CYLD: variants seen among roughly 807,000 people sequenced by gnomAD.
CYLD encodes the protein CYLD lysine 63 deubiquitinase.
In CYLD, 26 loss-of-function variants were observed where a neutral mutation model predicts 104.5. That is an observed-to-expected ratio of 0.25 (90% confidence interval 0.18 to 0.35). The LOEUF is 0.35. Ranked by LOEUF, CYLD falls within the 10% of genes least tolerant of loss-of-function variation. The probability of loss-of-function intolerance (pLI) is 1.00; values close to 1 mark genes in which losing one functional copy is unlikely to be tolerated. For missense variants in CYLD, 703 were observed against 1,136.1 expected, an observed-to-expected ratio of 0.62 and a Z score of 5.48; for synonymous variants, 385 against 399.9, an observed-to-expected ratio of 0.96 and a Z score of 0.45.
At chr16:50,747,763 A>G (rs1442026723) in intron 2 of CYLD, among the ~76,000 whole-genome samples, 1 of 152,210 alleles carries the variant, frequency 6.6e-6, no homozygotes, top group Non-Finnish European at 1.5e-5. Flanking sequence ...AGTGCCCTCA[A>G]GTGGAATTAA....
chr16:50,760,944 G>A (rs1967846524), intron 5 of CYLD, among the ~76,000 whole-genome samples: 1 of 152,148 alleles, frequency 6.6e-6, no homozygotes, highest in Non-Finnish European at 1.5e-5. Flanking sequence ...GCTTTCCCAT[G>A]AGAGTGTGTT....
rs201691062 is a variant in CYLD at position 50,791,705 on chromosome 16, C to T, written c.2241+15C>T. On this transcript the variant is annotated intron_variant, in intron 15 of 18. Coordinates refer to ENST00000427738, the MANE Select transcript of CYLD (RefSeq NM_001378743.1). ...AATTTGCAGAGGTTAGTGATACTCA[C>T]CTGTGGTATTTTATGTGAAAGTCTG... The T allele has an allele frequency of 1.9e-6, 3 of 1,613,306 alleles. No individual in the cohort carries two copies. Among genetic ancestry groups the T allele is most frequent in the South Asian group, 1.1e-5 (1 of 91,068 alleles).
intron 6 of CYLD, 85 bp downstream of exon 6, chr16:50,775,259 C>T (rs1265574592): frequency 1.8e-5 from 18 of 1,016,704 alleles, no homozygotes; most frequent in Non-Finnish European, 2.6e-5. Context: ...GCCTCTTCTA[C>T]ATTCCCTTGA....
At chr16:50,755,199 ATG>A (rs749054213) in intron 5 of CYLD, among the ~76,000 whole-genome samples, 65 of 107,884 alleles carry the variant, frequency 6.0e-4, no homozygotes, top group African/African-American at 1.0e-3. Context: ...ACGTGTACAT[ATG>A]TGTGTGTATA....
intron 14 of CYLD, among the ~76,000 whole-genome samples, 200 bp from the exon 15 acceptor site, chr16:50,791,358 T>C (rs1971414379): frequency 6.6e-6 from 1 of 152,240 alleles, no homozygotes; most frequent in African/African-American, 2.4e-5. Context: ...GCAAAATAAA[T>C]CATTTATAAG....
chr16:50,762,862 T>C (rs1968107380), intron 5 of CYLD, among the ~76,000 whole-genome samples: 1 of 152,244 alleles, frequency 6.6e-6, no homozygotes, highest in Non-Finnish European at 1.5e-5. Flanking sequence ...TTGACTTTTT[T>C]TTTAGAAAAC....
chr16:50,767,791 T>A (rs11863916), intron 5 of CYLD, among the ~76,000 whole-genome samples: 1 of 152,088 alleles, frequency 6.6e-6, no homozygotes, highest in African/African-American at 2.4e-5. Flanking sequence ...CTGTATTTCC[T>A]TCTGTCTATT....
At chr16:50,752,338 G>A (rs1233551675) in intron 4 of CYLD, among the ~76,000 whole-genome samples, 1 of 151,682 alleles carries the variant, frequency 6.6e-6, no homozygotes, top group East Asian at 1.9e-4. Context: ...GTTTTTTGGG[G>A]TACTCCATTT....
At chr16:50,795,607 A>T in intron 18 of CYLD, 1 of 702,882 alleles carries the variant, frequency 1.4e-6, no homozygotes, top group Non-Finnish European at 2.6e-6. Flanking sequence ...AGCCTAAGAC[A>T]TTCCCTGTGG....
intron 10 of CYLD, among the ~76,000 whole-genome samples, chr16:50,781,931 G>A (rs1051488311): frequency 3.0e-4 from 45 of 152,160 alleles, no homozygotes; most frequent in Admixed American, 1.2e-3. Flanking sequence ...GCTTCAGCAG[G>A]TGCAAACAGG....
chr16:50,768,306 C>G (rs1055612294), intron 5 of CYLD, among the ~76,000 whole-genome samples: 1 of 152,038 alleles, frequency 6.6e-6, no homozygotes, highest in African/African-American at 2.4e-5. Flanking sequence ...TTAAATGAGT[C>G]TTCATCTGCC....
chr16:50,800,978 C>A lies in CYLD; in HGVS notation c.*4470C>A, dbSNP rs755710819. On this transcript the variant is annotated 3_prime_UTR_variant, in exon 19 of 19. Coordinates refer to ENST00000427738, the MANE Select transcript of CYLD (RefSeq NM_001378743.1). ...CCCCTTAAAGCAGATGTGTGTGGGG[C>A]CTTATGAAGACCAGGATTCTGCGGG... The A allele has an allele frequency of 2.1e-5, 5 of 233,314 alleles. No individual in the cohort carries two copies. The highest frequency in any genetic ancestry group is 3.4e-5 in the Non-Finnish European group (4 of 118,082). 14.5% of individuals were successfully genotyped at this position (233,314 alleles called of 1,614,324 possible).
In CYLD at chr16:50,794,307, T is replaced by A; in HGVS notation, c.2565T>A (p.Pro855=). 6.2e-7 allele frequency: 1 copy of A among 1,614,220 alleles called. No homozygotes were observed. The highest frequency in any genetic ancestry group is 1.1e-5 in the South Asian group (1 of 91,080). Residue 855 remains proline, a synonymous_variant, in exon 18 of 19, where the codon CCT becomes CCA. Coordinates refer to ENST00000427738, the MANE Select transcript of CYLD (RefSeq NM_001378743.1). This position sits in a 1 kb window ranked among gnomAD's most constrained non-coding sequence, Gnocchi z 4.1. Reference sequence around the variant, plus strand: ...GGGACTGGAGACACGGCTGCATCCCTTGCCAGAATATGGAGTTATTTGCTG... The same window carrying A: ...GGGACTGGAGACACGGCTGCATCCCATGCCAGAATATGGAGTTATTTGCTG... The part of the protein sequence containing the change: ...PDWDWRHGCI[P]CQNMELFAVL...
chr16:50,776,378 G>C, intron 7 of CYLD, 101 bp downstream of exon 7: 2 of 872,200 alleles, frequency 2.3e-6, no homozygotes, highest in Non-Finnish European at 3.8e-6. Flanking sequence ...CATGTATGTA[G>C]ACTTTTTTTC....
Position 50,792,357 on chromosome 16 carries a change from A to G in CYLD, c.2242-240A>G, listed in dbSNP as rs564866817. Reference sequence around the variant, plus strand: ...ATGCCATGATTTTATTTGAGACTCAAGATTATTGAACTCTGTGACCTCTAG... The same window carrying G: ...ATGCCATGATTTTATTTGAGACTCAGGATTATTGAACTCTGTGACCTCTAG... On this transcript the variant is annotated intron_variant, in intron 15 of 18. Transcript: ENST00000427738. 2.0e-5 allele frequency among the ~76,000 whole-genome samples: 3 copies of G among 152,318 alleles called. No individual in the cohort carries two copies. In the South Asian group the frequency reaches 6.2e-4, roughly 32 times the overall value.
chr16:50,801,188 G>GA lies in CYLD; in HGVS notation c.*4681dup, dbSNP rs1232312312. ...AGCTGAAGGTTTTCTCTTGAGTCAG[G>GA]ATGCAGTGGTAATGCATTAACCAGC... On this transcript the variant is annotated 3_prime_UTR_variant, in exon 19 of 19. Coordinates refer to ENST00000427738, the MANE Select transcript of CYLD (RefSeq NM_001378743.1). The GA allele has an allele frequency of 3.4e-5, 8 of 233,326 alleles. No homozygotes were observed. The highest frequency in any genetic ancestry group is 1.8e-4 in the African/African-American group (8 of 45,340). The allele number at this position is 233,326 out of a possible 1,614,324, so 14.5% of individuals were successfully genotyped here.
At chr16:50,765,070 C>G (rs1968349338) in intron 5 of CYLD, among the ~76,000 whole-genome samples, 1 of 152,164 alleles carries the variant, frequency 6.6e-6, no homozygotes. Context: ...TGTAATTTCA[C>G]TTGTCTTACG....
At chr16:50,765,983 A>C (rs1968471241) in intron 5 of CYLD, among the ~76,000 whole-genome samples, 1 of 152,256 alleles carries the variant, frequency 6.6e-6, no homozygotes, top group Admixed American at 6.5e-5. Context: ...GCTGATATAG[A>C]AACTGCTGCA....
Position 50,796,576 on chromosome 16 carries a change from C to T in CYLD, c.*68C>T, listed in dbSNP as rs2151048265. ...TAACGTTGCATCTTATTCGAGCTGG[C>T]AGTTCTGTTCACGTCCATTGCCGGC... On this transcript the variant is annotated 3_prime_UTR_variant, in exon 19 of 19. Transcript: ENST00000427738. 6.7e-7 allele frequency: 1 copy of T among 1,503,112 alleles called. No homozygotes were observed. Among genetic ancestry groups the T allele is most frequent in the Non-Finnish European group, 9.2e-7 (1 of 1,091,014 alleles). The allele number at this position is 1,503,112 out of a possible 1,614,324, so 93.1% of individuals were successfully genotyped here.
Sources: allele counts gnomAD v4.1 joint callset (sites outside exome capture counted in the v4.1 genomes callset), GRCh38; gene constraint gnomAD v4.1.1; non-coding constraint Gnocchi (gnomAD v3.1); transcripts MANE v1.5; gene names NCBI Gene and HGNC (gene_info 2026-07-23, HGNC 2026-07-21).